MGAT4C: variants seen among roughly 807,000 people sequenced by gnomAD.
MGAT4C encodes MGAT4 family member C.
A neutral mutation model predicts 40.1 loss-of-function variants in MGAT4C; 19 were observed. The ratio of observed to expected loss-of-function variants is 0.47; its 90% confidence interval spans 0.33 to 0.70. MGAT4C has a LOEUF of 0.70. MGAT4C is among the 30% of genes least tolerant of loss of function. MGAT4C has a pLI of 0.02. For missense variants in MGAT4C, 491 were observed against 563.2 expected, an observed-to-expected ratio of 0.87 and a Z score of 1.30; for synonymous variants, 181 against 187.1, an observed-to-expected ratio of 0.97 and a Z score of 0.27.
intron 4 of MGAT4C, among the ~76,000 whole-genome samples, chr12:86,316,098 A>G: frequency 6.7e-6 from 1 of 149,482 alleles, no homozygotes. Flanking sequence ...AAAAAAAAAA[A>G]AAAAAAAAAT....
At chr12:86,364,797 G>A (rs564566880) in intron 3 of MGAT4C, among the ~76,000 whole-genome samples, 2 of 152,194 alleles carry the variant, frequency 1.3e-5, no homozygotes, top group African/African-American at 2.4e-5. Context: ...AAGGGGAGGG[G>A]GTGTATGAAT....
intron 2 of MGAT4C, among the ~76,000 whole-genome samples, chr12:86,675,065 A>C (rs2136569559): frequency 6.6e-6 from 1 of 152,212 alleles, no homozygotes; most frequent in East Asian, 1.9e-4. Flanking sequence ...CACTCAGAAA[A>C]ATTATATCAT....
intron 1 of MGAT4C, among the ~76,000 whole-genome samples, chr12:86,737,258 G>T (rs191290787): frequency 2.0e-5 from 3 of 150,604 alleles, no homozygotes; most frequent in Middle Eastern, 3.2e-3. Flanking sequence ...ACAGTGCTAA[G>T]TCCAATGGTC....
intron 1 of MGAT4C, among the ~76,000 whole-genome samples, chr12:86,830,169 T>C (rs1952893629): frequency 6.6e-6 from 1 of 151,486 alleles, no homozygotes; most frequent in Non-Finnish European, 1.5e-5. Flanking sequence ...TCACTGTCCC[T>C]CTTGTCAGTC....
chr12:86,275,894 A>G (rs1953066018), intron 4 of MGAT4C, among the ~76,000 whole-genome samples: 1 of 144,020 alleles, frequency 6.9e-6, no homozygotes. Flanking sequence ...ACGTCAGGAG[A>G]TCGAGACCAT....
Position 86,250,330 on chromosome 12 carries a change from TGA to T in MGAT4C, c.-57+5907_-57+5908del, listed in dbSNP as rs3047014. ...ACAAGCAACCTACACACACACACACTGAGAGAGAGAGAGAGAGAGAGAGAGAG... is the reference window on the plus strand; with the variant it reads ...ACAAGCAACCTACACACACACACACTGAGAGAGAGAGAGAGAGAGAGAGAG... On this transcript the variant is annotated intron_variant, in intron 1 of 4. Coordinates refer to ENST00000611864, the MANE Select transcript of MGAT4C (RefSeq NM_001351288.2). Among the ~76,000 whole-genome samples, 394 of 142,896 alleles carry T rather than the reference TGA, an allele frequency of 2.8e-3. 1 individual carries two copies. The highest frequency in any genetic ancestry group is 5.3e-3 in the African/African-American group (203 of 38,624). 93.7% of individuals were successfully genotyped at this position (142,896 alleles called of 152,430 possible). A position where few individuals can be genotyped will look rare whatever the true frequency, so the allele number is the denominator to read the frequency against.
chr12:86,670,462 T>C (rs986967844), intron 2 of MGAT4C, among the ~76,000 whole-genome samples: 1 of 151,988 alleles, frequency 6.6e-6, no homozygotes, highest in African/African-American at 2.4e-5. Context: ...ATCAGTAGAC[T>C]AAACCAAGCA....
chr12:86,429,977 A>G (rs1487894652), intron 3 of MGAT4C, among the ~76,000 whole-genome samples: 1 of 152,090 alleles, frequency 6.6e-6, no homozygotes, highest in Non-Finnish European at 1.5e-5. Context: ...TTTCTGCTCC[A>G]CTGACAATAA....
rs111606647 is a variant in MGAT4C at position 86,440,597 on chromosome 12, T to C, written c.-228-5332A>G. ...CAGGGATGCCCATTTTCATCACTTC[T>C]ATTCAACATAGCACTGAAAGTCCTA... On this transcript the variant is annotated intron_variant, in intron 2 of 7. Coordinates refer to the MGAT4C transcript ENST00000548651. 3.2e-3 allele frequency among the ~76,000 whole-genome samples: 493 copies of C among 152,210 alleles called. 1 individual carries two copies. The highest frequency in any genetic ancestry group is 0.011 in the African/African-American group (476 of 41,548).
intron 2 of MGAT4C, among the ~76,000 whole-genome samples, chr12:86,502,864 CATAT>C (rs761029198): frequency 8.7e-4 from 47 of 54,052 alleles, no homozygotes; most frequent in Middle Eastern, 0.011. Flanking sequence ...GAGTTCTGCT[CATAT>C]ATATATATAT....
intron 1 of MGAT4C, among the ~76,000 whole-genome samples, chr12:86,122,389 A>C (rs959146921): frequency 6.6e-5 from 10 of 152,138 alleles, no homozygotes; most frequent in Admixed American, 6.6e-4. Flanking sequence ...TCTATATTCT[A>C]AAGTATTTTT....
At chr12:86,225,403 C>T (rs948332066) in intron 1 of MGAT4C, among the ~76,000 whole-genome samples, 1 of 151,996 alleles carries the variant, frequency 6.6e-6, no homozygotes, top group East Asian at 1.9e-4. Flanking sequence ...GAAACTATTT[C>T]AAAAAATTGA....
At position 86,613,153 on chromosome 12, in the gene MGAT4C, G is replaced by A. The variant is rs1962340835; in HGVS notation, c.-229+114056C>T. Among the ~76,000 whole-genome samples, 3 of 152,006 alleles carry A rather than the reference G, an allele frequency of 2.0e-5. No homozygotes were observed. The South Asian group carries it at 6.2e-4, about 32-fold the overall frequency. The stretch of plus-strand genomic sequence containing the variant: ...CACCAACTTGGGGCTAAATGAAAAC[G>A]ATTAAATTAATATATGAGGATGATT... On this transcript the variant is annotated intron_variant, in intron 2 of 7. Transcript: ENST00000548651.
chr12:86,468,765 TC>T (rs1957717659), intron 2 of MGAT4C, among the ~76,000 whole-genome samples: 1 of 152,130 alleles, frequency 6.6e-6, no homozygotes, highest in South Asian at 2.1e-4. Flanking sequence ...CTTTACCCCA[TC>T]TTTTTCTCTG....
intron 2 of MGAT4C, among the ~76,000 whole-genome samples, chr12:86,668,601 C>T (rs1964173107): frequency 6.6e-6 from 1 of 152,314 alleles, no homozygotes; most frequent in African/African-American, 2.4e-5. Context: ...TTGTGTGACT[C>T]GGAAGAGTGG....
At chr12:86,810,343 C>T (rs1297004765) in intron 1 of MGAT4C, among the ~76,000 whole-genome samples, 1 of 151,706 alleles carries the variant, frequency 6.6e-6, no homozygotes, top group African/African-American at 2.4e-5. Flanking sequence ...TGCCTTATTA[C>T]ACTGAATAGA....
intron 2 of MGAT4C, among the ~76,000 whole-genome samples, chr12:86,721,318 G>A (rs554573004): frequency 8.8e-4 from 133 of 151,998 alleles, no homozygotes; most frequent in African/African-American, 2.9e-3. Context: ...GGTGCATTAC[G>A]TCAACATTTG....
chr12:86,812,601 A>G (rs1424120570), intron 1 of MGAT4C, among the ~76,000 whole-genome samples: 1 of 152,100 alleles, frequency 6.6e-6, no homozygotes, highest in Non-Finnish European at 1.5e-5. Context: ...ATTAGGCCGT[A>G]TATATTATAT....
At chr12:86,538,045 C>A (rs563065141) in intron 2 of MGAT4C, among the ~76,000 whole-genome samples, 1 of 152,250 alleles carries the variant, frequency 6.6e-6, no homozygotes, top group Non-Finnish European at 1.5e-5. Context: ...CAAGATCATG[C>A]CAGTGCACTC....
Sources: allele counts gnomAD v4.1 joint callset (sites outside exome capture counted in the v4.1 genomes callset), GRCh38; gene constraint gnomAD v4.1.1; transcripts MANE v1.5; gene names NCBI Gene and HGNC (gene_info 2026-07-23, HGNC 2026-07-21).